The following MYOM1 variants were observed in gnomAD, a reference collection of about 807,000 sequenced individuals.
MYOM1 encodes the protein myomesin-1.
In MYOM1, 164 loss-of-function variants were observed where a neutral mutation model predicts 205.3. That is an observed-to-expected ratio of 0.80 (90% CI 0.70 to 0.91). MYOM1 has a LOEUF of 0.91. Among genes scored for constraint, MYOM1 ranks in the 40% least tolerant of loss-of-function variants. The pLI, the probability that MYOM1 is intolerant of heterozygous loss-of-function variation, is 0.00. For missense variants in MYOM1, 2,011 were observed against 2,127.3 expected (o/e 0.95, Z 1.08); for synonymous variants, 772 against 789.4 (o/e 0.98, Z 0.37).
At chr18:3,079,117 T>C in intron 34 of MYOM1, 62 bp downstream of exon 34, 1 of 1,557,956 alleles carries the variant, frequency 6.4e-7, no homozygotes, top group Non-Finnish European at 8.7e-7. Context: ...CCAACTCCCT[T>C]CATTCCTTTT....
At chr18:3,177,327 C>T (rs7504922) in intron 5 of MYOM1, among the ~76,000 whole-genome samples, 13,147 of 151,862 alleles carry the variant, frequency 0.087, 720 homozygotes, top group African/African-American at 0.15. Flanking sequence ...AAGTTGACCA[C>T]TATTGATGTA....
Position 3,094,185 on chromosome 18 carries a change from T to C in MYOM1, c.3849A>G (p.Glu1283=). 1 of 1,613,960 alleles carries C rather than the reference T, an allele frequency of 6.2e-7. No homozygotes were observed. The highest frequency in any genetic ancestry group is 8.5e-7 in the Non-Finnish European group (1 of 1,179,846). The part of the protein sequence containing the change: ...AKVNYIFNEK[E]IFEGPKYKMH... ...TAAAACCTACCGGGCCTTCAAAAAT[T>C]TCCTTCTCGTTAAATATGTAGTTGA... Residue 1283 remains glutamate, a synonymous_variant, in exon 26 of 38, where the codon GAA becomes GAG. Coordinates refer to ENST00000356443, the MANE Select transcript of MYOM1 (RefSeq NM_003803.4).
chr18:3,195,133 A>G (rs908828737), intron 2 of MYOM1, among the ~76,000 whole-genome samples: 2 of 152,198 alleles, frequency 1.3e-5, no homozygotes, highest in South Asian at 2.1e-4. Context: ...AAGCACATAC[A>G]TGGTACAAAA....
intron 25 of MYOM1, among the ~76,000 whole-genome samples, chr18:3,096,032 T>C (rs1212940990): frequency 6.6e-6 from 1 of 152,220 alleles, no homozygotes; most frequent in Non-Finnish European, 1.5e-5. Context: ...CAGGCCCTCC[T>C]GGAAGTCTCC....
chr18:3,082,852 A>G (rs2079100200), intron 33 of MYOM1, among the ~76,000 whole-genome samples: 1 of 152,152 alleles, frequency 6.6e-6, no homozygotes, highest in African/African-American at 2.4e-5. Flanking sequence ...CCCAAAGTCA[A>G]CTTGAGATCT....
chr18:3,181,702 T>C (rs115780366), intron 5 of MYOM1, among the ~76,000 whole-genome samples: 1,995 of 151,940 alleles, frequency 0.013, 49 homozygotes, highest in African/African-American at 0.046. Context: ...AAGTATCTAT[T>C]TGACAACGAC....
chr18:3,083,415 CTT>C (rs1434229449), intron 33 of MYOM1, among the ~76,000 whole-genome samples: 4,065 of 101,740 alleles, frequency 0.04, 217 homozygotes, highest in African/African-American at 0.12. Flanking sequence ...TTTCTTTTTT[CTT>C]TTTCTTTTTC....
intron 33 of MYOM1, among the ~76,000 whole-genome samples, chr18:3,082,763 T>C (rs971518400): frequency 6.6e-6 from 1 of 152,192 alleles, no homozygotes; most frequent in Admixed American, 6.5e-5. Context: ...ATTTGGAAAC[T>C]GATTTCAGCT....
rs116779638 is a variant in MYOM1 at position 3,127,016 on chromosome 18, G to A, written c.2795-119C>T. 3,007 of 850,722 alleles carry A rather than the reference G, an allele frequency of 3.5e-3. 52 individuals are homozygous for A. The African/African-American group carries it at 0.045, about 13-fold the overall frequency. 52.7% of individuals were successfully genotyped at this position (850,722 alleles called of 1,614,324 possible). On this transcript the variant is annotated intron_variant, in intron 18 of 37. Transcript: ENST00000356443. The stretch of plus-strand genomic sequence containing the variant: ...ATCTTGCAGTATAAAACTAAAATTC[G>A]AGGCTGATGAACTTGGCATTGAACT...
At chr18:3,110,464 G>A (rs2079509965) in intron 22 of MYOM1, among the ~76,000 whole-genome samples, 1 of 152,164 alleles carries the variant, frequency 6.6e-6, no homozygotes, top group East Asian at 1.9e-4. Flanking sequence ...GGGGTGAAGT[G>A]CACACACTGA....
intron 9 of MYOM1, among the ~76,000 whole-genome samples, chr18:3,167,186 A>T (rs1045022060): frequency 1.3e-5 from 2 of 152,236 alleles, no homozygotes; most frequent in African/African-American, 4.8e-5. Flanking sequence ...GGCACATGGT[A>T]GTGAAAAGAT....
intron 2 of MYOM1, among the ~76,000 whole-genome samples, chr18:3,210,462 C>T (rs996072490): frequency 6.6e-6 from 1 of 152,146 alleles, no homozygotes; most frequent in Non-Finnish European, 1.5e-5. Flanking sequence ...ACTCAAGCCT[C>T]AGTGTTTTCA....
intron 25 of MYOM1, among the ~76,000 whole-genome samples, chr18:3,097,241 A>G (rs2079317128): frequency 6.6e-6 from 1 of 152,222 alleles, no homozygotes; most frequent in Non-Finnish European, 1.5e-5. Context: ...TGCATGTGCT[A>G]CTTTGATCCT....
At chr18:3,237,276 T>C in the MYOM1 span, among the ~76,000 whole-genome samples, 2 of 152,146 alleles carry the variant, frequency 1.3e-5, no homozygotes, top group Non-Finnish European at 2.9e-5. Flanking sequence ...ATGTGGTGTA[T>C]ACATATCGTG....
chr18:3,155,123 C>T, intron 10 of MYOM1, 35 bp from the exon 11 acceptor site: 1 of 1,574,872 alleles, frequency 6.3e-7, no homozygotes, highest in South Asian at 1.2e-5. Context: ...TTAACCCTCT[C>T]AGACATGCTG....
At chr18:3,168,728 A>C in intron 9 of MYOM1, 89 bp downstream of exon 9, 2 of 1,404,000 alleles carry the variant, frequency 1.4e-6, no homozygotes, top group Non-Finnish European at 2.0e-6. Flanking sequence ...TCTAACTTCC[A>C]GATTCCACCA....
At chr18:3,095,835 C>T (rs1040337061) in intron 25 of MYOM1, among the ~76,000 whole-genome samples, 7 of 152,262 alleles carry the variant, frequency 4.6e-5, no homozygotes, top group Admixed American at 2.0e-4. Flanking sequence ...TCTGAGTGCA[C>T]CAGGGCAGCA....
At chr18:3,176,171 G>T in intron 5 of MYOM1, 37 bp from the exon 6 acceptor site, 1 of 1,266,584 alleles carries the variant, frequency 7.9e-7, no homozygotes, top group Non-Finnish European at 1.2e-6. Context: ...GTAAGTTGAA[G>T]TGTAAACAAC....
At chr18:3,137,317 G>T (rs746559149) in intron 14 of MYOM1, among the ~76,000 whole-genome samples, 11 of 152,048 alleles carry the variant, frequency 7.2e-5, no homozygotes, top group Non-Finnish European at 1.5e-4. Context: ...CAATCCCACT[G>T]CTGGGTATCT....
Sources: gnomAD v4.1 joint callset for allele counts (sites outside exome capture counted in the v4.1 genomes callset) on GRCh38, gnomAD v4.1.1 for gene constraint, MANE v1.5 for transcripts, NCBI Gene and HGNC (gene_info 2026-07-23, HGNC 2026-07-21) for gene names.